EIF2B3: variants seen among roughly 807,000 people sequenced by gnomAD.
EIF2B3 encodes the protein eukaryotic translation initiation factor 2B subunit gamma.
A neutral mutation model predicts 54.1 loss-of-function variants in EIF2B3; 20 were observed. That is an observed-to-expected ratio of 0.37 (90% CI 0.26 to 0.54). The LOEUF (loss-of-function observed/expected upper bound fraction) is 0.54. Ranked by LOEUF, EIF2B3 falls within the 20% of genes least tolerant of loss-of-function variation. EIF2B3 has a pLI of 0.86. For synonymous variants in EIF2B3, 153 were observed against 188.1 expected (o/e 0.81, Z 1.52); for missense variants, 448 against 547.8 (o/e 0.82, Z 1.82).
intron 3 of EIF2B3, among the ~76,000 whole-genome samples, chr1:44,963,437 C>G (rs1477157047): frequency 6.6e-6 from 1 of 151,844 alleles, no homozygotes; most frequent in Non-Finnish European, 1.5e-5. Context: ...ACCTGGCTAA[C>G]TGTTACATTT....
chr1:44,975,155 G>A (rs760180799), intron 3 of EIF2B3, among the ~76,000 whole-genome samples: 10 of 152,050 alleles, frequency 6.6e-5, no homozygotes, highest in Non-Finnish European at 1.0e-4. Context: ...GGTTGAGGCT[G>A]CAGTGAGCCT....
rs1383986485 is a variant in EIF2B3 at position 44,981,066 on chromosome 1, A to C, written c.103T>G (p.Leu35Val). ...KPLLPVGNKP[L>V]IWYPLNLLER... ...AGCAGGTTCAATGGGTACCAAATTAAAGGTTTGTTCCCAACTGGAAGCAGA... is the reference window on the plus strand; with the variant it reads ...AGCAGGTTCAATGGGTACCAAATTACAGGTTTGTTCCCAACTGGAAGCAGA... Residue 35 changes from leucine (L) to valine (V), a missense_variant, in exon 2 of 12, where the codon TTA becomes GTA. Transcript: ENST00000360403. The C allele has an allele frequency of 1.1e-5, 18 of 1,613,656 alleles. No homozygotes were observed. Among genetic ancestry groups the C allele is most frequent in the Non-Finnish European group, 1.5e-5 (18 of 1,180,008 alleles).
intron 6 of EIF2B3, among the ~76,000 whole-genome samples, chr1:44,896,433 C>T (rs971374771): frequency 6.6e-6 from 1 of 152,182 alleles, no homozygotes; most frequent in African/African-American, 2.4e-5. Context: ...AGCAATCCTC[C>T]TTCCTCTTAA....
At position 44,958,704 on chromosome 1, in the gene EIF2B3, G is replaced by C. The variant is rs1226093326; in HGVS notation, c.295-17039C>G. 3.1e-6 allele frequency: 5 copies of C among 1,595,584 alleles called. No individual in the cohort carries two copies. In the Admixed American group the frequency reaches 8.4e-5, roughly 27 times the overall value. The stretch of plus-strand genomic sequence containing the variant: ...TAGTCGCTCACCAGCTATCTGTGCT[G>C]CCTGAAACAGTACCCTTTCTGGAAA... On this transcript the variant is annotated intron_variant, in intron 3 of 11. Coordinates refer to ENST00000360403, the MANE Select transcript of EIF2B3 (RefSeq NM_020365.5).
intron 5 of EIF2B3, among the ~76,000 whole-genome samples, chr1:44,902,839 A>ATT (rs1427248314): frequency 2.3e-5 from 3 of 130,152 alleles, no homozygotes; most frequent in African/African-American, 1.3e-4. Flanking sequence ...TAAAAAAAAA[A>ATT]AAAAAAAAAA....
chr1:44,899,863 CAA>C lies in EIF2B3; in HGVS notation c.567-2421_567-2420del, dbSNP rs34537562. ...TCCAAAGGAAAAGAAATTGTTCTAC[CAA>C]AAAGACAAGTGTACTTGCATGTTCA... On this transcript the variant is annotated intron_variant, in intron 5 of 11. Coordinates refer to ENST00000360403, the MANE Select transcript of EIF2B3 (RefSeq NM_020365.5). Among the ~76,000 whole-genome samples, 3 of 152,174 alleles carry C rather than the reference CAA, an allele frequency of 2.0e-5. No individual in the cohort carries two copies. In the East Asian group the frequency reaches 5.8e-4, roughly 29 times the overall value.
At chr1:44,912,536 C>G (rs1643536945) in intron 5 of EIF2B3, among the ~76,000 whole-genome samples, 1 of 152,124 alleles carries the variant, frequency 6.6e-6, no homozygotes, top group Non-Finnish European at 1.5e-5. Flanking sequence ...CCAACATGAA[C>G]CTTCCATTCA....
At chr1:44,911,753 A>G (rs1032689637) in intron 5 of EIF2B3, among the ~76,000 whole-genome samples, 1 of 151,888 alleles carries the variant, frequency 6.6e-6, no homozygotes, top group Non-Finnish European at 1.5e-5. Flanking sequence ...CATGTGCACA[A>G]TGTGCAGGTT....
At chr1:44,915,878 T>C (rs1206599317) in intron 5 of EIF2B3, among the ~76,000 whole-genome samples, 1 of 152,182 alleles carries the variant, frequency 6.6e-6, no homozygotes, top group Non-Finnish European at 1.5e-5. Flanking sequence ...CCATTAAAGA[T>C]ACTATTTCTT....
intron 3 of EIF2B3, among the ~76,000 whole-genome samples, chr1:44,956,538 CTATTAG>C (rs1242143181): frequency 1.3e-5 from 2 of 151,446 alleles, no homozygotes; most frequent in African/African-American, 4.9e-5. Context: ...TAACACACTA[CTATTAG>C]TAAAAGATAG....
Position 44,978,383 on chromosome 1 carries a change from C to A in EIF2B3, c.226G>T (p.Val76Leu). The A allele has an allele frequency of 6.2e-7, 1 of 1,614,030 alleles. No homozygotes were observed. Among genetic ancestry groups the A allele is most frequent in the Non-Finnish European group, 8.5e-7 (1 of 1,180,010 alleles). The change falls in exon 3 of 12, where the codon GTG becomes TTG. Residue 76 changes from valine to leucine, a missense_variant. Physicochemically the swap from Val to Leu is conservative, Grantham distance 32. Around this residue, in one of 3 missense-constraint regions of EIF2B3, gnomAD observed 95 missense variants for 115.7 expected, o/e 0.82. Transcript: ENST00000360403. Reference sequence around the variant, plus strand: ...ATGTCAGCGTCATCAGGAATACACACAATATCTGGCTTCATTTTCATCTTG... The same window carrying A: ...ATGTCAGCGTCATCAGGAATACACAAAATATCTGGCTTCATTTTCATCTTG... ...EFKMKMKPDI[V>L]CIPDDADMGT...
intron 5 of EIF2B3, among the ~76,000 whole-genome samples, chr1:44,908,713 G>C (rs184570882): frequency 5.9e-5 from 9 of 152,316 alleles, no homozygotes; most frequent in Non-Finnish European, 1.2e-4. Context: ...AGAGATAGTG[G>C]AAAGCAAAGT....
At position 44,905,574 on chromosome 1, in the gene EIF2B3, G is replaced by GA. The variant is rs367559738; in HGVS notation, c.567-8131dup. Among the ~76,000 whole-genome samples the GA allele has an allele frequency of 8.8e-4, 130 of 146,902 alleles. 1 individual carries two copies. Among genetic ancestry groups the GA allele is most frequent in the African/African-American group, 1.3e-3 (52 of 40,224 alleles). ...AAAATTGCTACTAGAAGTGGTCCTGGAAAAAAAAAAATCTTAAAGATGGGT... is the reference window on the plus strand; with the variant it reads ...AAAATTGCTACTAGAAGTGGTCCTGGAAAAAAAAAAAATCTTAAAGATGGGT... On this transcript the variant is annotated intron_variant, in intron 5 of 11. Coordinates refer to ENST00000360403, the MANE Select transcript of EIF2B3 (RefSeq NM_020365.5).
chr1:44,899,465 G>T (rs535196783), intron 5 of EIF2B3, among the ~76,000 whole-genome samples: 11 of 152,224 alleles, frequency 7.2e-5, no homozygotes, highest in African/African-American at 2.6e-4. Context: ...CATCTATAAA[G>T]AACTTAAATC....
At chr1:44,889,805 A>G (rs751324391) in intron 6 of EIF2B3, among the ~76,000 whole-genome samples, 1 of 152,114 alleles carries the variant, frequency 6.6e-6, no homozygotes, top group African/African-American at 2.4e-5. Flanking sequence ...CTGGGATTAC[A>G]GGTGTGAGCC....
Position 44,874,896 on chromosome 1 carries a change from C to G in EIF2B3, c.1054-70G>C, listed in dbSNP as rs1004907358. ...ACTGCAAACCACCCTCCAGATCCCT[C>G]AAGCTGGGATCTAATGGGATCTTTC... On this transcript the variant is annotated intron_variant, in intron 9 of 11. Transcript: ENST00000360403. 13 of 1,580,602 alleles carry G rather than the reference C, an allele frequency of 8.2e-6. No individual in the cohort carries two copies. The African/African-American group carries it at 1.5e-4, about 18-fold the overall frequency.
chr1:44,977,149 G>A (rs1321934706), intron 3 of EIF2B3, among the ~76,000 whole-genome samples: 2 of 152,126 alleles, frequency 1.3e-5, no homozygotes, highest in Non-Finnish European at 2.9e-5. Flanking sequence ...AAGTAATATG[G>A]CAACATCACA....
intron 4 of EIF2B3, among the ~76,000 whole-genome samples, chr1:44,938,057 G>T (rs12127100): frequency 0.22 from 33,632 of 151,884 alleles, 4,054 homozygotes; most frequent in Admixed American, 0.32. Flanking sequence ...AACATCCAGA[G>T]ATTAGCCATT....
chr1:44,961,985 A>C (rs1644289604), intron 3 of EIF2B3, among the ~76,000 whole-genome samples: 2 of 152,142 alleles, frequency 1.3e-5, no homozygotes, highest in Admixed American at 1.3e-4. Flanking sequence ...TGAGGTCAGG[A>C]GTTCAAGACC....
Sources: gnomAD v4.1 joint callset for allele counts (sites outside exome capture counted in the v4.1 genomes callset) on GRCh38, gnomAD v4.1.1 for gene constraint, gnomAD v4.1.1 regional missense constraint, MANE v1.5 for transcripts, NCBI Gene and HGNC (gene_info 2026-07-23, HGNC 2026-07-21) for gene names.